The following ANKS1B variants were observed in gnomAD, a reference collection of about 807,000 sequenced individuals.
ANKS1B encodes ankyrin repeat and sterile alpha motif domain-containing protein 1B.
ANKS1B carries 36 observed loss-of-function variants against 148.3 expected under a neutral mutation model. The ratio of observed to expected loss-of-function variants is 0.24; its 90% CI spans 0.19 to 0.32. ANKS1B has a LOEUF of 0.32. ANKS1B is among the 10% of genes least tolerant of loss of function. ANKS1B has a pLI of 1.00. For missense variants in ANKS1B, 1,157 were observed against 1,542.6 expected (o/e 0.75, Z 4.19); for synonymous variants, 542 against 560.8 (o/e 0.97, Z 0.47).
intron 10 of ANKS1B, among the ~76,000 whole-genome samples, chr12:99,485,125 T>A (rs890142708): frequency 6.6e-6 from 1 of 152,040 alleles, no homozygotes; most frequent in African/African-American, 2.4e-5. Context: ...AGTTTTAAGC[T>A]TTCCAAAGGT....
chr12:98,892,069 T>C (rs2099753893), intron 17 of ANKS1B, among the ~76,000 whole-genome samples: 1 of 152,254 alleles, frequency 6.6e-6, no homozygotes, highest in Non-Finnish European at 1.5e-5. Context: ...TTGCTAATTG[T>C]TCATTCCTCT....
intron 14 of ANKS1B, among the ~76,000 whole-genome samples, chr12:99,199,937 G>C (rs1362988411): frequency 2.0e-5 from 3 of 152,154 alleles, no homozygotes; most frequent in African/African-American, 4.8e-5. Flanking sequence ...GAGAAGAAAG[G>C]GGGTAGGAAG....
chr12:98,889,535 A>G (rs538124330), intron 17 of ANKS1B, among the ~76,000 whole-genome samples: 26 of 152,228 alleles, frequency 1.7e-4, no homozygotes, highest in African/African-American at 6.0e-4. Context: ...TTTTGTACAG[A>G]CTGGTTTCAC....
intron 17 of ANKS1B, among the ~76,000 whole-genome samples, chr12:98,955,126 G>A (rs1220869466): frequency 2.0e-5 from 3 of 152,054 alleles, no homozygotes; most frequent in African/African-American, 7.3e-5. Context: ...GGAGCAAAAA[G>A]ATAAACAAAA....
rs192769881 is a variant in ANKS1B at position 99,345,669 on chromosome 12, T to C, written c.1756+53962A>G. The stretch of plus-strand genomic sequence containing the variant: ...AGAGAGTTAGTGAAAATAGTGTCTG[T>C]GGGTTCCTATGGTGGGGATAGGGAA... On this transcript the variant is annotated intron_variant, in intron 12 of 26. Transcript: ENST00000683438. Among the ~76,000 whole-genome samples the C allele has an allele frequency of 3.2e-3, 480 of 151,998 alleles. 1 individual carries two copies. Among genetic ancestry groups the C allele is most frequent in the Non-Finnish European group, 5.4e-3 (369 of 67,930 alleles).
chr12:99,801,781 G>A (rs137986468), intron 4 of ANKS1B, among the ~76,000 whole-genome samples: 7 of 152,260 alleles, frequency 4.6e-5, no homozygotes, highest in Middle Eastern at 3.4e-3. Flanking sequence ...GAGTTCCCAC[G>A]TGGACAAGAA....
At chr12:99,470,272 T>C (rs2096218959) in intron 10 of ANKS1B, among the ~76,000 whole-genome samples, 1 of 152,158 alleles carries the variant, frequency 6.6e-6, no homozygotes, top group African/African-American at 2.4e-5. Context: ...TTATTAAGTA[T>C]CAAGCATTAA....
chr12:99,609,326 G>C (rs1467077830), intron 9 of ANKS1B, among the ~76,000 whole-genome samples: 1 of 151,834 alleles, frequency 6.6e-6, no homozygotes, highest in Non-Finnish European at 1.5e-5. Flanking sequence ...ACCAAAGGAA[G>C]GTATCCATCA....
chr12:99,341,140 GTGT>G (rs912130737), intron 12 of ANKS1B: 52 of 152,224 alleles, frequency 3.4e-4, no homozygotes, highest in African/African-American at 1.2e-3. Flanking sequence ...CACAGTCTTT[GTGT>G]TCAGGTCTCA....
intron 8 of ANKS1B, among the ~76,000 whole-genome samples, chr12:99,680,990 A>T (rs2098611770): frequency 6.6e-6 from 1 of 152,038 alleles, no homozygotes; most frequent in East Asian, 1.9e-4. Flanking sequence ...AAGCCATAGC[A>T]AGTCCTGCCC....
chr12:99,433,392 A>G (rs7302898), intron 11 of ANKS1B, among the ~76,000 whole-genome samples: 126 of 152,310 alleles, frequency 8.3e-4, no homozygotes, highest in African/African-American at 2.9e-3. Flanking sequence ...GAACTCATGT[A>G]CAAATAAAAG....
intron 17 of ANKS1B, chr12:98,956,402 T>C (rs1459543207): frequency 3.9e-5 from 6 of 152,174 alleles, no homozygotes; most frequent in Admixed American, 3.9e-4. Flanking sequence ...CCAGAGTGAT[T>C]TTCTAAAATG....
At chr12:99,331,671 GA>G (rs2087590303) in intron 12 of ANKS1B, among the ~76,000 whole-genome samples, 1 of 151,958 alleles carries the variant, frequency 6.6e-6, no homozygotes, top group Non-Finnish European at 1.5e-5. Flanking sequence ...ACTGAGAAAG[GA>G]AAAACTATTT....
At chr12:99,184,961 T>C (rs2153868118) in intron 14 of ANKS1B, among the ~76,000 whole-genome samples, 1 of 152,368 alleles carries the variant, frequency 6.6e-6, no homozygotes, top group South Asian at 2.1e-4. Flanking sequence ...ATATACATCC[T>C]ATATATTGGA....
intron 10 of ANKS1B, among the ~76,000 whole-genome samples, chr12:99,445,920 G>T (rs190917707): frequency 6.6e-6 from 1 of 151,532 alleles, no homozygotes; most frequent in African/African-American, 2.4e-5. Flanking sequence ...ATGGGGTTTC[G>T]CCATATTGCT....
At chr12:98,859,096 C>G (rs4762516) in intron 17 of ANKS1B, among the ~76,000 whole-genome samples, 21,762 of 151,906 alleles carry the variant, frequency 0.14, 2,025 homozygotes, top group Admixed American at 0.21. Context: ...GACATTCTTG[C>G]CCTTGTGAAC....
Position 98,820,113 on chromosome 12 carries a change from T to C in ANKS1B, c.3066+9061A>G, listed in dbSNP as rs79014274. 2.6e-5 allele frequency among the ~76,000 whole-genome samples: 4 copies of C among 152,354 alleles called. No homozygotes were observed. In the East Asian group the frequency reaches 7.7e-4, roughly 29 times the overall value. On this transcript the variant is annotated intron_variant, in intron 19 of 26. Coordinates refer to ENST00000683438, the MANE Select transcript of ANKS1B (RefSeq NM_001352186.2). ...TTTTCAAGGAACTCAAAACATTGCA[T>C]TGGAGCATTTGGGGTTTTGGAATTT...
At chr12:99,856,700 T>A (rs919009303) in intron 1 of ANKS1B, among the ~76,000 whole-genome samples, 1 of 152,168 alleles carries the variant, frequency 6.6e-6, no homozygotes, top group African/African-American at 2.4e-5. Flanking sequence ...CAAGTGGGTT[T>A]CATACGAGGG....
intron 9 of ANKS1B, among the ~76,000 whole-genome samples, chr12:99,613,779 A>T (rs924492593): frequency 1.3e-5 from 2 of 152,020 alleles, no homozygotes; most frequent in Non-Finnish European, 2.9e-5. Flanking sequence ...GTGATGAAAT[A>T]ATCTGTACAA....
Sources: gnomAD v4.1 joint callset for allele counts (sites outside exome capture counted in the v4.1 genomes callset) on GRCh38, gnomAD v4.1.1 for gene constraint, MANE v1.5 for transcripts, NCBI Gene and HGNC (gene_info 2026-07-23, HGNC 2026-07-21) for gene names.